MLLT10: variants seen among roughly 807,000 people sequenced by gnomAD.
The protein encoded by MLLT10 is MLLT10 histone lysine methyltransferase DOT1L cofactor.
MLLT10 carries 30 observed loss-of-function variants against 129.1 expected under a neutral mutation model. That is an observed-to-expected ratio of 0.23 (90% CI 0.17 to 0.32). The LOEUF (loss-of-function observed/expected upper bound fraction) is 0.32. MLLT10 is among the 10% of genes least tolerant of loss of function. The pLI is 1.00. For missense variants in MLLT10, 1,119 were observed against 1,268.3 expected, an observed-to-expected ratio of 0.88 and a Z score of 1.79; for synonymous variants, 490 against 446.4, an observed-to-expected ratio of 1.10 and a Z score of -1.23.
In MLLT10 at chr10:21,688,392, A is replaced by G. The variant is rs1426619248; in HGVS notation, c.1699+6135A>G. ...CCCTGATGATCCACCCCCACACTGC[A>G]CCCCATCATAATATCTTCAGTTTTT... On this transcript the variant is annotated intron_variant, in intron 13 of 22. Coordinates refer to ENST00000307729, the MANE Select transcript of MLLT10 (RefSeq NM_001195626.3). 6 of 958,564 alleles carry G rather than the reference A, an allele frequency of 6.3e-6. No individual in the cohort carries two copies. In the African/African-American group the frequency reaches 9.8e-5, roughly 16 times the overall value. The allele number at this position is 958,564 out of a possible 1,614,324, so 59.4% of individuals were successfully genotyped here.
chr10:21,719,997 T>C (rs551657970), intron 14 of MLLT10, among the ~76,000 whole-genome samples: 1 of 152,230 alleles, frequency 6.6e-6, no homozygotes, highest in South Asian at 2.1e-4. Flanking sequence ...ATTATTTCAA[T>C]AGCTGCCTTT....
chr10:21,717,542 C>CA (rs1483509223), intron 14 of MLLT10, among the ~76,000 whole-genome samples: 1 of 115,656 alleles, frequency 8.6e-6, no homozygotes, highest in African/African-American at 3.5e-5. Flanking sequence ...CCTCCTCCTC[C>CA]CTTCTTCTTT....
chr10:21,623,451 C>CA (rs752892985), intron 8 of MLLT10, among the ~76,000 whole-genome samples: 3 of 152,224 alleles, frequency 2.0e-5, no homozygotes, highest in East Asian at 3.9e-4. Flanking sequence ...AATATTATAA[C>CA]AAAAAATGCT....
At position 21,734,123 on chromosome 10, in the gene MLLT10, C is replaced by T. The variant is rs1486130798; in HGVS notation, c.2852C>T (p.Thr951Ile). Residue 951 changes from threonine to isoleucine, a missense_variant, in exon 20 of 23, where the codon ACT (threonine) becomes ATT (isoleucine). This residue lies in a region of MLLT10 where 1,004 missense variants were observed against 1,008.7 expected (regional missense o/e 1.00). Coordinates refer to ENST00000307729, the MANE Select transcript of MLLT10 (RefSeq NM_001195626.3). ...NATHPMPATL[T>I]NSASGLGLLS... ...ACACATCCAATGCCAGCTACACTGA[C>T]TAACAGGTAAGAAACTTAAGTATGT... The T allele has an allele frequency of 6.3e-7, 1 of 1,598,182 alleles. No homozygotes were observed. Among genetic ancestry groups the T allele is most frequent in the African/African-American group, 1.3e-5 (1 of 74,536 alleles).
At chr10:21,608,427 T>G (rs2044276258) in intron 5 of MLLT10, among the ~76,000 whole-genome samples, 1 of 152,124 alleles carries the variant, frequency 6.6e-6, no homozygotes, top group Non-Finnish European at 1.5e-5. Context: ...TCCTCCTGCT[T>G]CAGCCTCTCA....
rs752510399 is a variant in MLLT10, at chr10:21,713,809, A to C, written c.1737A>C (p.Pro579=). The C allele has an allele frequency of 6.2e-7, 1 of 1,613,794 alleles. No individual in the cohort carries two copies. Among genetic ancestry groups the C allele is most frequent in the South Asian group, 1.1e-5 (1 of 91,014 alleles). The change falls in exon 14 of 23, where the codon CCA becomes CCC. Residue 579 remains proline (P), a synonymous_variant. Coordinates refer to ENST00000307729, the MANE Select transcript of MLLT10 (RefSeq NM_001195626.3). ...GCAATGATGTAGCAGTATCGTTTCC[A>C]AATGTAGTATCTGGCTCGGGATCTA... The part of the protein sequence containing the change: ...YNSNDVAVSF[P]NVVSGSGSST...
At chr10:21,716,502 G>C (rs936377979) in intron 14 of MLLT10, among the ~76,000 whole-genome samples, 4 of 151,514 alleles carry the variant, frequency 2.6e-5, no homozygotes, top group Non-Finnish European at 5.9e-5. Context: ...AGACCAGCCT[G>C]GCCAACATGG....
chr10:21,534,196 C>T, upstream of MLLT10: 1 of 393,762 alleles, frequency 2.5e-6, no homozygotes, highest in Non-Finnish European at 4.5e-6. Flanking sequence ...CTAGCCTCGC[C>T]CAGGCCTCCT....
At chr10:21,648,254 C>A (rs2048694717) in intron 8 of MLLT10, among the ~76,000 whole-genome samples, 1 of 152,138 alleles carries the variant, frequency 6.6e-6, no homozygotes, top group South Asian at 2.1e-4. Flanking sequence ...GGATATAAGC[C>A]ATGCACAGTG....
chr10:21,689,050 C>T (rs1418978840), intron 13 of MLLT10, among the ~76,000 whole-genome samples: 2 of 152,104 alleles, frequency 1.3e-5, no homozygotes. Flanking sequence ...CCCCTACAAA[C>T]CTCATTTTTA....
rs530657743 is a variant in MLLT10 at position 21,607,407 on chromosome 10, A to G, written c.406-4941A>G. 1.3e-3 allele frequency among the ~76,000 whole-genome samples: 178 copies of G among 136,104 alleles called. 1 individual carries two copies. Among genetic ancestry groups the G allele is most frequent in the Non-Finnish European group, 2.1e-3 (140 of 65,628 alleles). The allele number at this position is 136,104 out of a possible 152,430, so 89.3% of individuals were successfully genotyped here. On this transcript the variant is annotated intron_variant, in intron 5 of 22. Coordinates refer to ENST00000307729, the MANE Select transcript of MLLT10 (RefSeq NM_001195626.3). ...ACGATCTCGTCTCACCACAACCTCC[A>G]CCTCCTGGGTTCAAGCAATTCTCAC...
intron 8 of MLLT10, among the ~76,000 whole-genome samples, chr10:21,617,987 T>C (rs1033499455): frequency 6.6e-6 from 1 of 152,102 alleles, no homozygotes; most frequent in South Asian, 2.1e-4. Context: ...GCACACCAGC[T>C]TGGGAGACAG....
rs935869822 is a variant in MLLT10, at chr10:21,742,685, T to G, written c.*702T>G. The G allele has an allele frequency of 8.9e-6, 2 of 224,600 alleles. No individual in the cohort carries two copies. The highest frequency in any genetic ancestry group is 1.8e-5 in the Non-Finnish European group (2 of 112,722). The allele number at this position is 224,600 out of a possible 1,614,324, so 13.9% of individuals were successfully genotyped here. A position where few individuals can be genotyped will look rare whatever the true frequency, so the allele number is the denominator to read the frequency against. ...AAGAAATCTTGAGTTAAGTGAGTTC[T>G]GAGGCTGCTGGGGGAACCAGATCAA... On this transcript the variant is annotated 3_prime_UTR_variant, in exon 23 of 23. Transcript: ENST00000307729.
chr10:21,596,433 C>G (rs2043023659), intron 5 of MLLT10, among the ~76,000 whole-genome samples: 1 of 151,978 alleles, frequency 6.6e-6, no homozygotes, highest in South Asian at 2.1e-4. Context: ...GTTGAAGGGC[C>G]TAGTTTGGTG....
intron 11 of MLLT10, among the ~76,000 whole-genome samples, chr10:21,679,376 A>G (rs1476257153): frequency 6.6e-6 from 1 of 152,210 alleles, no homozygotes; most frequent in African/African-American, 2.4e-5. Context: ...TTCGCTATTT[A>G]TCTTCACCAC....
intron 13 of MLLT10, among the ~76,000 whole-genome samples, chr10:21,688,934 T>C (rs1466526713): frequency 2.0e-5 from 3 of 152,112 alleles, no homozygotes; most frequent in African/African-American, 4.8e-5. Context: ...TTTTAACATA[T>C]ATCTCAAATA....
intron 8 of MLLT10, among the ~76,000 whole-genome samples, chr10:21,643,770 A>G (rs12251847): frequency 0.048 from 7,331 of 152,178 alleles, 583 homozygotes; most frequent in African/African-American, 0.17. Context: ...CTGTAACAGA[A>G]TTGTTCAGAA....
At chr10:21,727,020 C>T (rs1361086003) in intron 15 of MLLT10, among the ~76,000 whole-genome samples, 3 of 152,092 alleles carry the variant, frequency 2.0e-5, no homozygotes, top group Non-Finnish European at 4.4e-5. Context: ...TGCTTTGTTT[C>T]ATTGCATCCT....
intron 5 of MLLT10, among the ~76,000 whole-genome samples, chr10:21,606,909 C>T (rs554703007): frequency 6.6e-6 from 1 of 152,286 alleles, no homozygotes; most frequent in East Asian, 1.9e-4. Context: ...TGTCAAACAG[C>T]AGCACATACT....
Sources: allele counts gnomAD v4.1 joint callset (sites outside exome capture counted in the v4.1 genomes callset), GRCh38; gene constraint gnomAD v4.1.1; regional missense constraint gnomAD v4.1.1; transcripts MANE v1.5; gene names NCBI Gene and HGNC (gene_info 2026-07-23, HGNC 2026-07-21).